Variants in MCC observed in about 807,000 individuals in gnomAD.
MCC encodes the protein colorectal mutant cancer protein.
A neutral mutation model predicts 116.2 loss-of-function variants in MCC; 90 were observed. That is an observed-to-expected ratio of 0.77 (90% confidence interval 0.65 to 0.92). The LOEUF is 0.92. Ranked by LOEUF, MCC falls within the 40% of genes least tolerant of loss-of-function variation. The pLI, the probability that MCC is intolerant of heterozygous loss-of-function variation, is 0.00. For synonymous variants in MCC, 578 were observed against 510.5 expected, an observed-to-expected ratio of 1.13 and a Z score of -1.78; for missense variants, 1,516 against 1,312.2, an observed-to-expected ratio of 1.16 and a Z score of -2.40.
intron 3 of MCC, among the ~76,000 whole-genome samples, chr5:113,208,016 T>C (rs535720207): frequency 6.6e-6 from 1 of 152,046 alleles, no homozygotes; most frequent in Non-Finnish European, 1.5e-5. Flanking sequence ...CAATATCTGC[T>C]TGTCAAAGGT....
chr5:113,193,102 A>T (rs1419138911), intron 3 of MCC, among the ~76,000 whole-genome samples: 1 of 152,154 alleles, frequency 6.6e-6, no homozygotes. Flanking sequence ...TGGCCCCTTC[A>T]TATTCAAGGC....
At chr5:113,110,293 A>G (rs1757011858) in intron 6 of MCC, among the ~76,000 whole-genome samples, 1 of 152,230 alleles carries the variant, frequency 6.6e-6, no homozygotes, top group African/African-American at 2.4e-5. Context: ...GATCAGGGAA[A>G]GGCTGGGAGC....
chr5:113,075,249 C>T (rs1054445682), intron 11 of MCC, among the ~76,000 whole-genome samples: 5 of 152,218 alleles, frequency 3.3e-5, no homozygotes, highest in African/African-American at 9.7e-5. Flanking sequence ...CTCGAATTCT[C>T]ACTGGGCCTC....
chr5:113,049,011 G>A (rs747447251), intron 16 of MCC, 82 bp downstream of exon 16: 18 of 1,301,178 alleles, frequency 1.4e-5, no homozygotes, highest in Middle Eastern at 1.9e-4. Context: ...GCAGCAGGGC[G>A]GTGAGGTGTG....
intron 3 of MCC, among the ~76,000 whole-genome samples, chr5:113,221,112 G>C (rs1365381562): frequency 2.6e-5 from 4 of 152,228 alleles, no homozygotes; most frequent in Non-Finnish European, 5.9e-5. Flanking sequence ...ACTGAGGTGG[G>C]AGAATCACCT....
chr5:113,091,526 A>C (rs12513669), intron 8 of MCC, among the ~76,000 whole-genome samples: 1 of 152,020 alleles, frequency 6.6e-6, no homozygotes, highest in Non-Finnish European at 1.5e-5. Flanking sequence ...TTAAAGAGAT[A>C]AGGGGAATAA....
intron 15 of MCC, among the ~76,000 whole-genome samples, chr5:113,049,987 T>C (rs563882430): frequency 1.3e-4 from 20 of 152,278 alleles, no homozygotes; most frequent in Admixed American, 1.3e-3. Context: ...GAATCCAAAA[T>C]AGGACAGTGC....
chr5:113,440,740 A>C (rs1771012700), intron 1 of MCC, among the ~76,000 whole-genome samples: 1 of 152,160 alleles, frequency 6.6e-6, no homozygotes, highest in Non-Finnish European at 1.5e-5. Flanking sequence ...TTTTCAGTAG[A>C]TCTGTTGGCA....
At chr5:113,082,135 G>C (rs530465705) in intron 11 of MCC, among the ~76,000 whole-genome samples, 2 of 152,226 alleles carry the variant, frequency 1.3e-5, no homozygotes, top group African/African-American at 2.4e-5. Context: ...ACACATAAGA[G>C]AGTCTTTGCC....
chr5:113,165,780 G>C (rs1259486220), intron 3 of MCC, among the ~76,000 whole-genome samples: 1 of 152,180 alleles, frequency 6.6e-6, no homozygotes, highest in African/African-American at 2.4e-5. Context: ...TTAGGTTCCA[G>C]ACCTAATGGT....
At chr5:113,316,968 T>G (rs1378992608) in intron 3 of MCC, among the ~76,000 whole-genome samples, 1 of 152,262 alleles carries the variant, frequency 6.6e-6, no homozygotes, top group African/African-American at 2.4e-5. Context: ...TGGACAAAGC[T>G]ATTTTAATGA....
chr5:113,358,036 C>A (rs1768456224), intron 2 of MCC, among the ~76,000 whole-genome samples: 1 of 152,212 alleles, frequency 6.6e-6, no homozygotes, highest in African/African-American at 2.4e-5. Context: ...TCTCACTCTG[C>A]CTTATGCCCT....
intron 3 of MCC, among the ~76,000 whole-genome samples, chr5:113,185,965 G>C (rs748288231): frequency 1.3e-5 from 2 of 152,000 alleles, no homozygotes; most frequent in Non-Finnish European, 2.9e-5. Flanking sequence ...ATTCAGATGA[G>C]AGCCACCAAG....
intron 17 of MCC, among the ~76,000 whole-genome samples, chr5:113,040,052 T>C (rs979077435): frequency 6.6e-6 from 1 of 151,520 alleles, no homozygotes; most frequent in Non-Finnish European, 1.5e-5. Context: ...ACATCTCGTG[T>C]GCCAGACTGG....
chr5:113,113,311 T>C (rs1181572576), intron 6 of MCC, among the ~76,000 whole-genome samples: 1 of 152,258 alleles, frequency 6.6e-6, no homozygotes, highest in Non-Finnish European at 1.5e-5. Flanking sequence ...AGCATTCCTC[T>C]GTACTCTGCA....
In MCC at chr5:113,141,207, T is replaced by C. The variant is rs139948104; in HGVS notation, c.884+2011A>G. On this transcript the variant is annotated intron_variant, in intron 5 of 18. Coordinates refer to ENST00000408903, the MANE Select transcript of MCC (RefSeq NM_001085377.2). ...TTGGACATCAGAACTCCTGGCTCCG[T>C]AGCCTTTGGACTCCAGGACCTGCAC... Among the ~76,000 whole-genome samples, 77 of 152,364 alleles carry C rather than the reference T, an allele frequency of 5.1e-4. No homozygotes were observed. The East Asian group carries it at 0.013, about 27-fold the overall frequency.
At chr5:113,485,319 G>A (rs1772490389) in intron 1 of MCC, among the ~76,000 whole-genome samples, 2 of 152,166 alleles carry the variant, frequency 1.3e-5, no homozygotes, top group African/African-American at 2.4e-5. Flanking sequence ...ATCATGGGAT[G>A]GGGGGTTTAT....
chr5:113,063,397 T>C (rs1354530457), intron 14 of MCC, among the ~76,000 whole-genome samples: 1 of 152,240 alleles, frequency 6.6e-6, no homozygotes, highest in Non-Finnish European at 1.5e-5. Context: ...TTTAATTTCC[T>C]AGATTCACAG....
intron 3 of MCC, among the ~76,000 whole-genome samples, chr5:113,250,231 T>C (rs17135496): frequency 0.014 from 2,195 of 152,322 alleles, 68 homozygotes; most frequent in African/African-American, 0.05. Context: ...CCAACCATTA[T>C]GTCTGAGGAC....
Sources: gnomAD v4.1 joint callset for allele counts (sites outside exome capture counted in the v4.1 genomes callset) on GRCh38, gnomAD v4.1.1 for gene constraint, MANE v1.5 for transcripts, NCBI Gene and HGNC (gene_info 2026-07-23, HGNC 2026-07-21) for gene names.